ADAMTSL1: variants seen among roughly 807,000 people sequenced by gnomAD.
ADAMTSL1 encodes the protein ADAMTS like 1.
ADAMTSL1 carries 126 observed loss-of-function variants against 201.8 expected under a neutral mutation model. The ratio of observed to expected loss-of-function variants is 0.62; its 90% CI spans 0.54 to 0.72. The LOEUF is 0.72. ADAMTSL1 is among the 30% of genes least tolerant of loss of function. The pLI is 0.00. For synonymous variants in ADAMTSL1, 1,121 were observed against 903.4 expected (o/e 1.24, Z -4.32); for missense variants, 2,679 against 2,277.8 (o/e 1.18, Z -3.59).
intron 24 of ADAMTSL1, among the ~76,000 whole-genome samples, chr9:18,888,902 A>AT (rs1401488129): frequency 1.3e-5 from 2 of 152,204 alleles, no homozygotes; most frequent in Admixed American, 1.3e-4. Flanking sequence ...AAGAAAACAA[A>AT]TTTTCTTGGA....
At chr9:18,143,786 A>G (rs1047984317) in intron 1 of ADAMTSL1, among the ~76,000 whole-genome samples, 5 of 152,222 alleles carry the variant, frequency 3.3e-5, no homozygotes, top group Non-Finnish European at 5.9e-5. Flanking sequence ...AATACATTAA[A>G]CAGACTCTTT....
intron 19 of ADAMTSL1, among the ~76,000 whole-genome samples, chr9:18,787,755 G>T (rs1167231863): frequency 1.3e-5 from 2 of 152,142 alleles, no homozygotes; most frequent in Non-Finnish European, 2.9e-5. Flanking sequence ...TAATCTATAT[G>T]CTAGTTTTCC....
chr9:18,019,702 G>A (rs1039632564), intron 1 of ADAMTSL1, among the ~76,000 whole-genome samples: 4 of 152,092 alleles, frequency 2.6e-5, no homozygotes, highest in Non-Finnish European at 5.9e-5. Flanking sequence ...AGGAACATTG[G>A]ACTTGGACTT....
intron 1 of ADAMTSL1, among the ~76,000 whole-genome samples, chr9:18,124,080 T>G (rs1242135500): frequency 1.1e-5 from 1 of 88,454 alleles, no homozygotes; most frequent in African/African-American, 3.5e-5. Context: ...TTTGCCAGTT[T>G]TTTTTTTTTT....
At chr9:18,080,103 G>C (rs1450259255) in intron 1 of ADAMTSL1, among the ~76,000 whole-genome samples, 1 of 152,196 alleles carries the variant, frequency 6.6e-6, no homozygotes, top group Non-Finnish European at 1.5e-5. Context: ...AGAGGTAATG[G>C]GAGGTCAAGG....
intron 2 of ADAMTSL1, among the ~76,000 whole-genome samples, chr9:18,411,794 A>G (rs1248190562): frequency 6.6e-6 from 1 of 152,184 alleles, no homozygotes; most frequent in Non-Finnish European, 1.5e-5. Flanking sequence ...ACTGGTAGGC[A>G]CTTTTAGAAT....
intron 7 of ADAMTSL1, among the ~76,000 whole-genome samples, chr9:18,640,738 A>T (rs1045725851): frequency 6.6e-6 from 1 of 151,912 alleles, no homozygotes; most frequent in African/African-American, 2.4e-5. Flanking sequence ...TCCCTTCTAT[A>T]TGCCACCGGT....
intron 1 of ADAMTSL1, among the ~76,000 whole-genome samples, chr9:18,139,363 C>T (rs1310574509): frequency 7.2e-4 from 110 of 152,252 alleles, no homozygotes; most frequent in Non-Finnish European, 8.8e-5. Context: ...GATGACATTA[C>T]TTGTCAGCAG....
chr9:18,721,435 A>G, intron 14 of ADAMTSL1, 101 bp from the exon 15 acceptor site: 1 of 1,506,884 alleles, frequency 6.6e-7, no homozygotes, highest in Non-Finnish European at 9.0e-7. Context: ...AGAGTCCTAC[A>G]GAACACAGGG....
intron 1 of ADAMTSL1, among the ~76,000 whole-genome samples, chr9:18,013,051 C>A (rs1465473740): frequency 6.6e-6 from 1 of 151,704 alleles, no homozygotes; most frequent in Non-Finnish European, 1.5e-5. Context: ...ATCTCCATTA[C>A]CCTTAGATTT....
intron 21 of ADAMTSL1, among the ~76,000 whole-genome samples, chr9:18,820,295 A>G (rs754546808): frequency 2.0e-5 from 3 of 152,236 alleles, no homozygotes; most frequent in Non-Finnish European, 4.4e-5. Context: ...GGAAGCTCAC[A>G]GTCTGGGAAG....
intron 3 of ADAMTSL1, among the ~76,000 whole-genome samples, chr9:18,558,185 G>A (rs1170434892): frequency 6.6e-6 from 1 of 152,056 alleles, no homozygotes; most frequent in African/African-American, 2.4e-5. Flanking sequence ...ACAGGCCCCA[G>A]TGTGTGACGT....
chr9:18,806,502 C>A (rs4977445), intron 20 of ADAMTSL1, among the ~76,000 whole-genome samples: 49,329 of 152,138 alleles, frequency 0.32, 8,196 homozygotes, highest in East Asian at 0.49. Flanking sequence ...TAGCAGAGGC[C>A]TGGGATTCAG....
chr9:18,041,830 A>G (rs949152614), intron 1 of ADAMTSL1, among the ~76,000 whole-genome samples: 5 of 152,180 alleles, frequency 3.3e-5, no homozygotes, highest in African/African-American at 7.2e-5. Flanking sequence ...AAATGAAACA[A>G]GAAAACCCTT....
chr9:18,690,437 G>A (rs1377293717), intron 13 of ADAMTSL1, among the ~76,000 whole-genome samples: 1 of 151,982 alleles, frequency 6.6e-6, no homozygotes, highest in Non-Finnish European at 1.5e-5. Context: ...TCCATATAGT[G>A]TTACTATTTA....
At chr9:18,763,319 A>G (rs962726248) in intron 16 of ADAMTSL1, among the ~76,000 whole-genome samples, 1 of 152,148 alleles carries the variant, frequency 6.6e-6, no homozygotes, top group Non-Finnish European at 1.5e-5. Flanking sequence ...AGAGATGTCT[A>G]GTCAGATCTT....
At chr9:18,285,259 A>G (rs1287280409) in intron 2 of ADAMTSL1, among the ~76,000 whole-genome samples, 1 of 152,156 alleles carries the variant, frequency 6.6e-6, no homozygotes, top group Non-Finnish European at 1.5e-5. Flanking sequence ...TCATAATAGC[A>G]TTTATTGAAT....
chr9:18,787,992 G>C (rs1191756499), intron 19 of ADAMTSL1, among the ~76,000 whole-genome samples: 2 of 152,228 alleles, frequency 1.3e-5, no homozygotes, highest in Non-Finnish European at 2.9e-5. Context: ...CCAGGGTTAA[G>C]AATGTGTGGT....
intron 2 of ADAMTSL1, among the ~76,000 whole-genome samples, chr9:18,272,237 T>C (rs904284628): frequency 2.6e-5 from 4 of 152,250 alleles, no homozygotes; most frequent in Non-Finnish European, 4.4e-5. Flanking sequence ...CAAAACAGCA[T>C]GGTACTGGTA....
Sources: gnomAD v4.1 joint callset for allele counts (sites outside exome capture counted in the v4.1 genomes callset) on GRCh38, gnomAD v4.1.1 for gene constraint, MANE v1.5 for transcripts, NCBI Gene and HGNC (gene_info 2026-07-23, HGNC 2026-07-21) for gene names.